Variants in KRAS observed in about 807,000 individuals in gnomAD.
KRAS encodes KRas proto-oncogene, GTPase.
KRAS carries 1 observed loss-of-function variant against 21.0 expected under a neutral mutation model. The observed-to-expected ratio is 0.05, with a 90% CI of 0.02 to 0.23. KRAS has a LOEUF of 0.23. Among genes scored for constraint, KRAS ranks in the 10% least tolerant of loss-of-function variants. The probability of loss-of-function intolerance (pLI) is 1.00; values close to 1 mark genes in which losing one functional copy is unlikely to be tolerated. For synonymous variants in KRAS, 67 were observed against 72.5 expected (o/e 0.92, Z 0.39); for missense variants, 107 against 221.8 (o/e 0.48, Z 3.29).
At chr12:25,227,168 A>G (rs2141508960) in intron 3 of KRAS, 66 bp downstream of exon 3, 3 of 1,197,100 alleles carry the variant, frequency 2.5e-6, no homozygotes, top group Non-Finnish European at 3.7e-6. Context: ...GCATTAGCAA[A>G]GACTCAAAAA....
chr12:25,236,941 A>G (rs1228652575), intron 2 of KRAS, among the ~76,000 whole-genome samples: 9 of 152,228 alleles, frequency 5.9e-5, no homozygotes, highest in Non-Finnish European at 8.8e-5. Context: ...AAACGTGTAC[A>G]TAAATGTTTA....
chr12:25,209,631 A>AT lies in KRAS; in HGVS notation c.*163_*164insA. The AT allele has an allele frequency of 7.4e-7, 1 of 1,359,016 alleles. No homozygotes were observed. The allele number at this position is 1,359,016 out of a possible 1,614,324, so 84.2% of individuals were successfully genotyped here. A position where few individuals can be genotyped will look rare whatever the true frequency, so the allele number is the denominator to read the frequency against. On this transcript the variant is annotated 3_prime_UTR_variant, in exon 5 of 5. Coordinates refer to ENST00000311936, the MANE Select transcript of KRAS (RefSeq NM_004985.5). ...ATACTGGCACTTAGAGGAAAAAAAA[A>AT]CTTCCACTGTCATTTTAAAATAAGC... is the stretch of plus-strand genomic sequence containing the variant.
At chr12:25,220,674 C>CCAGG (rs1951309322) in intron 4 of KRAS, among the ~76,000 whole-genome samples, 1 of 151,490 alleles carries the variant, frequency 6.6e-6, no homozygotes, top group African/African-American at 2.4e-5. Context: ...TTGCAGTGAG[C>CCAGG]CAGGATCGCG....
rs1296357728 is a variant in KRAS at position 25,250,906 on chromosome 12, TCCGCCGCCGCGG to T, written c.-179_-168del. The T allele has an allele frequency of 8.1e-6, 2 of 245,926 alleles. No individual in the cohort carries two copies. The highest frequency in any genetic ancestry group is 1.5e-5 in the Non-Finnish European group (2 of 130,604). 15.2% of individuals were successfully genotyped at this position (245,926 alleles called of 1,614,324 possible). ...CGCCACTGCCGCCGCCGCTGCTGCCTCCGCCGCCGCGGCCGCCGCCTAGGAAAATCGAGCTCC... is the reference window on the plus strand; with the variant it reads ...CGCCACTGCCGCCGCCGCTGCTGCCTCCGCCGCCTAGGAAAATCGAGCTCC... On this transcript the variant is annotated 5_prime_UTR_variant, in exon 1 of 5. Transcript: ENST00000311936.
At chr12:25,249,441 AT>A (rs1450966373) in intron 1 of KRAS, among the ~76,000 whole-genome samples, 1 of 150,908 alleles carries the variant, frequency 6.6e-6, no homozygotes, top group East Asian at 1.9e-4. Context: ...AAATACAAAA[AT>A]TAGCTGGGCA....
intron 2 of KRAS, 49 bp downstream of exon 2, chr12:25,245,225 T>A: frequency 6.4e-7 from 1 of 1,551,428 alleles, no homozygotes; most frequent in Non-Finnish European, 8.8e-7. Flanking sequence ...TTTATCTGTA[T>A]CAAAGAATGG....
intron 2 of KRAS, among the ~76,000 whole-genome samples, 179 bp downstream of exon 2, chr12:25,245,095 A>T (rs1042351970): frequency 6.6e-6 from 1 of 152,232 alleles, no homozygotes; most frequent in Admixed American, 6.5e-5. Flanking sequence ...ACTCCCAAGG[A>T]AAGTAAAGTT....
intron 1 of KRAS, among the ~76,000 whole-genome samples, chr12:25,248,293 T>TGCTA (rs1951712862): frequency 6.6e-6 from 1 of 152,032 alleles, no homozygotes; most frequent in Non-Finnish European, 1.5e-5. Context: ...AAATCCCGTA[T>TGCTA]CTAAAAATAC....
intron 2 of KRAS, among the ~76,000 whole-genome samples, chr12:25,237,637 G>T (rs1486474972): frequency 1.3e-5 from 2 of 152,142 alleles, no homozygotes; most frequent in East Asian, 3.8e-4. Flanking sequence ...TGTGCTATGG[G>T]CTTGGGCAAA....
At chr12:25,210,412 T>C (rs1331454097) in intron 4 of KRAS, among the ~76,000 whole-genome samples, 1 of 152,156 alleles carries the variant, frequency 6.6e-6, no homozygotes, top group Non-Finnish European at 1.5e-5. Context: ...TACCAAGAAG[T>C]AAACAGTATT....
chr12:25,210,384 C>T (rs1201761572), intron 4 of KRAS, among the ~76,000 whole-genome samples: 3 of 152,098 alleles, frequency 2.0e-5, no homozygotes, highest in Admixed American at 6.5e-5. Context: ...TACGTAAAAT[C>T]CATTGGATTT....
At chr12:25,223,110 G>T (rs986476490) in intron 4 of KRAS, among the ~76,000 whole-genome samples, 3 of 152,078 alleles carry the variant, frequency 2.0e-5, no homozygotes, top group African/African-American at 7.2e-5. Context: ...CTTCTTTACT[G>T]CAACCCCTTA....
intron 2 of KRAS, among the ~76,000 whole-genome samples, chr12:25,238,918 A>C (rs1318243442): frequency 6.6e-6 from 1 of 152,238 alleles, no homozygotes; most frequent in Non-Finnish European, 1.5e-5. Flanking sequence ...ATAAATTTCA[A>C]GAAGTTGAAT....
chr12:25,222,492 T>C (rs1253117508), intron 4 of KRAS, among the ~76,000 whole-genome samples: 1 of 152,162 alleles, frequency 6.6e-6, no homozygotes, highest in Non-Finnish European at 1.5e-5. Flanking sequence ...ATCTAATTTA[T>C]AGTTTAGCAA....
intron 2 of KRAS, among the ~76,000 whole-genome samples, chr12:25,229,679 T>C (rs907912195): frequency 2.6e-5 from 4 of 152,002 alleles, no homozygotes; most frequent in Non-Finnish European, 1.5e-5. Flanking sequence ...AATCATGAAA[T>C]AAGAAGCAGG....
At chr12:25,215,388 A>C in intron 4 of KRAS, 1 of 1,610,314 alleles carries the variant, frequency 6.2e-7, no homozygotes, top group Non-Finnish European at 8.5e-7. Context: ...TGTTACCTTT[A>C]AAAGACATCT....
intron 2 of KRAS, among the ~76,000 whole-genome samples, chr12:25,231,372 C>T (rs554383729): frequency 1.6e-4 from 24 of 152,196 alleles, no homozygotes; most frequent in East Asian, 3.9e-4. Flanking sequence ...CGTCAACCAT[C>T]GCGCCCAGCC....
At chr12:25,232,578 T>C (rs560064423) in intron 2 of KRAS, among the ~76,000 whole-genome samples, 1 of 152,220 alleles carries the variant, frequency 6.6e-6, no homozygotes, top group Non-Finnish European at 1.5e-5. Flanking sequence ...ACGTTTTTAA[T>C]TAGTATTTCC....
At chr12:25,244,165 C>T (rs979281859) in intron 2 of KRAS, among the ~76,000 whole-genome samples, 28 of 152,254 alleles carry the variant, frequency 1.8e-4, no homozygotes, top group Non-Finnish European at 3.1e-4. Flanking sequence ...CAGTACAGTA[C>T]GTTAATAAGG....
Sources: allele counts gnomAD v4.1 joint callset (sites outside exome capture counted in the v4.1 genomes callset), GRCh38; gene constraint gnomAD v4.1.1; transcripts MANE v1.5; gene names NCBI Gene and HGNC (gene_info 2026-07-23, HGNC 2026-07-21).